MAGED1: variants seen among roughly 807,000 people sequenced by gnomAD.
MAGED1 encodes MAGE family member D1, also known as melanoma-associated antigen D1.
In MAGED1, 3 loss-of-function variants were observed where a neutral mutation model predicts 54.1. That is an observed-to-expected ratio of 0.06 (90% CI 0.03 to 0.14). MAGED1 has a LOEUF of 0.14. MAGED1 is among the 10% of genes least tolerant of loss of function. The probability of loss-of-function intolerance (pLI) is 1.00; values close to 1 mark genes in which losing one functional copy is unlikely to be tolerated. For missense variants in MAGED1, 485 were observed against 623.4 expected, an observed-to-expected ratio of 0.78 and a Z score of 2.36; for synonymous variants, 217 against 227.3, an observed-to-expected ratio of 0.95 and a Z score of 0.41.
intron 1 of MAGED1, among the ~76,000 whole-genome samples, chrX:51,828,374 T>G (rs1175579014): frequency 1.8e-5 from 2 of 111,713 alleles, no homozygotes; most frequent in Non-Finnish European, 3.8e-5. Flanking sequence ...ACCTCCTAGA[T>G]TGATTAAGAA....
intron 1 of MAGED1, among the ~76,000 whole-genome samples, chrX:51,885,146 A>G (rs980636978): frequency 8.9e-6 from 1 of 112,019 alleles, no homozygotes; most frequent in Non-Finnish European, 1.9e-5. Flanking sequence ...AGGAACCTCT[A>G]TACTGTTTCT....
At chrX:51,858,050 A>G (rs782790970) in intron 1 of MAGED1, 1 of 112,679 alleles carries the variant, frequency 8.9e-6, no homozygotes, top group South Asian at 3.7e-4. Flanking sequence ...AAAATGAAAA[A>G]AAGATTCTTT....
intron 1 of MAGED1, among the ~76,000 whole-genome samples, chrX:51,816,731 GAAAGA>G (rs1234663205): frequency 1.1e-4 from 2 of 17,723 alleles, no homozygotes; most frequent in East Asian, 8.8e-3. Context: ...GATTGTAAAA[GAAAGA>G]AAAAAAAAAA....
At chrX:51,850,428 C>T (rs1557359685) in intron 1 of MAGED1, among the ~76,000 whole-genome samples, 1 of 112,110 alleles carries the variant, frequency 8.9e-6, no homozygotes, top group African/African-American at 3.2e-5. Context: ...AATGTTGAAA[C>T]AAGACTTGGT....
At chrX:51,814,257 T>TTGCTGC (rs1192637813) in intron 1 of MAGED1, among the ~76,000 whole-genome samples, 6 of 111,835 alleles carry the variant, frequency 5.4e-5, no homozygotes, top group African/African-American at 1.3e-4. Flanking sequence ...GTTATGGCTG[T>TTGCTGC]TGCTGCTGCT....
intron 1 of MAGED1, among the ~76,000 whole-genome samples, chrX:51,843,339 G>T (rs1926576277): frequency 8.9e-6 from 1 of 111,868 alleles, no homozygotes; most frequent in African/African-American, 3.2e-5. Flanking sequence ...GATTATCCTG[G>T]ATTATTAGGA....
At chrX:51,851,349 C>A (rs781946915) in intron 1 of MAGED1, among the ~76,000 whole-genome samples, 1 of 111,505 alleles carries the variant, frequency 9.0e-6, no homozygotes, top group African/African-American at 3.3e-5. Flanking sequence ...CCTAATTTGC[C>A]GGAATAAATC....
intron 1 of MAGED1, among the ~76,000 whole-genome samples, chrX:51,873,918 A>G (rs1312774987): frequency 9.0e-5 from 10 of 111,262 alleles, no homozygotes; most frequent in African/African-American, 2.9e-4. Flanking sequence ...CAAAAATCCT[A>G]TCCAGTTACT....
chrX:51,877,724 A>G (rs1927923327), intron 1 of MAGED1, among the ~76,000 whole-genome samples: 1 of 112,228 alleles, frequency 8.9e-6, no homozygotes, highest in Non-Finnish European at 1.9e-5. Context: ...TGTTATGCCA[A>G]GATAATTGTG....
At chrX:51,806,091 A>G (rs782805736) in intron 1 of MAGED1, among the ~76,000 whole-genome samples, 242 of 101,072 alleles carry the variant, frequency 2.4e-3, no homozygotes, top group Non-Finnish European at 3.8e-3. Context: ...CTCCTGCCTC[A>G]GGCTCCCGAG....
chrX:51,807,042 C>T (rs919502387), intron 1 of MAGED1, among the ~76,000 whole-genome samples: 1 of 111,625 alleles, frequency 9.0e-6, no homozygotes, highest in African/African-American at 3.3e-5. Context: ...CAGCCTCCAC[C>T]TCCCAAAGTG....
chrX:51,867,698 C>T (rs974246316), intron 1 of MAGED1, among the ~76,000 whole-genome samples: 2 of 112,261 alleles, frequency 1.8e-5, no homozygotes, highest in African/African-American at 6.5e-5. Flanking sequence ...CAAGTTGATA[C>T]TCAGTATTAA....
intron 1 of MAGED1, among the ~76,000 whole-genome samples, chrX:51,803,855 G>C (rs1924944531): frequency 9.2e-6 from 1 of 108,970 alleles, no homozygotes; most frequent in Non-Finnish European, 1.9e-5. Flanking sequence ...GATTTTGGGG[G>C]GCAAACATAG....
chrX:51,809,122 A>AT (rs1169996994), intron 1 of MAGED1, among the ~76,000 whole-genome samples: 55 of 105,545 alleles, frequency 5.2e-4, no homozygotes, highest in South Asian at 2.4e-3. Context: ...ATTTTATTTT[A>AT]TTTTTTTTTT....
chrX:51,896,655 A>G lies in MAGED1; in HGVS notation c.1000A>G (p.Asn334Asp). The G allele has an allele frequency of 8.3e-7, 1 of 1,211,966 alleles. No homozygotes were observed. Among genetic ancestry groups the G allele is most frequent in the African/African-American group, 1.7e-5 (1 of 57,858 alleles). Residue 334 changes from asparagine (N) to aspartate (D), a missense_variant, in exon 4 of 13, where the codon AAC becomes GAC. Transcript: ENST00000326587. Reference protein sequence around the residue: ...PARQTPPAWQNPVAWQNPVIW... With the variant: ...PARQTPPAWQDPVAWQNPVIW... ...TAGGCAGACCCCACCAGCCTGGCAG[A>G]ACCCAGTCGCTTGGCAGAACCCAGT...
chrX:51,897,658 T>A (rs782145064), intron 6 of MAGED1, 32 bp downstream of exon 6: 46 of 1,153,830 alleles, frequency 4.0e-5, no homozygotes, highest in Non-Finnish European at 5.2e-5. Context: ...ACAGGAATAA[T>A]GGGGAAAGTC....
Position 51,859,541 on chromosome X carries a change from C to A in MAGED1, c.-36-34728C>A, listed in dbSNP as rs190175578. Among the ~76,000 whole-genome samples the A allele has an allele frequency of 4.0e-3, 445 of 111,802 alleles. 1 individual carries two copies. Among genetic ancestry groups the A allele is most frequent in the African/African-American group, 0.014 (422 of 30,803 alleles). ...ATCATGCGGCCCACAATTTGCAAAA[C>A]CTGAAGTTGGTAGGCTGAATAAATG... On this transcript the variant is annotated intron_variant, in intron 1 of 12. Transcript: ENST00000375772.
At chrX:51,873,129 A>G (rs1463158332) in intron 1 of MAGED1, among the ~76,000 whole-genome samples, 1 of 111,581 alleles carries the variant, frequency 9.0e-6, no homozygotes, top group African/African-American at 3.3e-5. Flanking sequence ...GGGCTCAGGA[A>G]ACTTACAATC....
intron 1 of MAGED1, among the ~76,000 whole-genome samples, chrX:51,833,328 C>T (rs965797176): frequency 9.1e-6 from 1 of 109,848 alleles, no homozygotes; most frequent in Non-Finnish European, 1.9e-5. Flanking sequence ...CAGTCTCTCC[C>T]ACCCCACACA....
Sources: allele counts gnomAD v4.1 joint callset (sites outside exome capture counted in the v4.1 genomes callset), GRCh38; gene constraint gnomAD v4.1.1; transcripts MANE v1.5; gene names NCBI Gene and HGNC (gene_info 2026-07-23, HGNC 2026-07-21).